Variants in CAMTA1 observed in about 807,000 individuals in gnomAD.
The protein encoded by CAMTA1 is calmodulin binding transcription activator 1.
CAMTA1 carries 27 observed loss-of-function variants against 170.9 expected under a neutral mutation model. The observed-to-expected ratio is 0.16, with a 90% CI of 0.12 to 0.22. The LOEUF (loss-of-function observed/expected upper bound fraction) is 0.22. CAMTA1 is among the 10% of genes least tolerant of loss of function. The pLI is 1.00. For missense variants in CAMTA1, 1,619 were observed against 2,217.2 expected (o/e 0.73, Z 5.42); for synonymous variants, 833 against 891.5 (o/e 0.93, Z 1.17).
chr1:7,661,283 C>T (rs574841921), intron 7 of CAMTA1, among the ~76,000 whole-genome samples: 5 of 152,284 alleles, frequency 3.3e-5, no homozygotes, highest in African/African-American at 4.8e-5. Context: ...TTGGTCCTCC[C>T]GGCTCGGTGC....
chr1:7,358,545 G>A (rs542898117), intron 5 of CAMTA1, among the ~76,000 whole-genome samples: 2 of 152,156 alleles, frequency 1.3e-5, no homozygotes, highest in East Asian at 3.9e-4. Flanking sequence ...TGCATGCCCC[G>A]CGCCACCCCT....
chr1:6,845,418 T>G (rs1657686151), intron 3 of CAMTA1, among the ~76,000 whole-genome samples: 1 of 152,212 alleles, frequency 6.6e-6, no homozygotes, highest in African/African-American at 2.4e-5. Context: ...CTTGTCCAGA[T>G]TCAGGGAAGG....
chr1:7,217,895 G>T (rs1037090886), intron 4 of CAMTA1, among the ~76,000 whole-genome samples: 1 of 151,848 alleles, frequency 6.6e-6, no homozygotes, highest in Non-Finnish European at 1.5e-5. Context: ...ACTTAATTTA[G>T]GTCCATAATT....
In CAMTA1 at chr1:7,146,218, A is replaced by G. The variant is rs1218821705; in HGVS notation, c.302+54847A>G. On this transcript the variant is annotated intron_variant, in intron 4 of 22. Transcript: ENST00000303635. This position sits in a 1 kb window ranked among gnomAD's most constrained non-coding sequence, Gnocchi z 4.3. ...CCGTGGGCCTGCAATCCTGCTTGCA[A>G]CACCCCTCGCAGCAGGAGCTTGGCA... Among the ~76,000 whole-genome samples the G allele has an allele frequency of 6.6e-6, 1 of 151,814 alleles. No individual in the cohort carries two copies. The highest frequency in any genetic ancestry group is 6.6e-5 in the Admixed American group (1 of 15,254).
intron 5 of CAMTA1, among the ~76,000 whole-genome samples, chr1:7,421,703 A>G (rs1215923957): frequency 6.6e-6 from 1 of 152,162 alleles, no homozygotes; most frequent in Non-Finnish European, 1.5e-5. Flanking sequence ...GCCAGCACTC[A>G]CTGTTGCCAC....
chr1:7,740,456 C>G (rs962277351), intron 16 of CAMTA1, among the ~76,000 whole-genome samples: 3 of 152,110 alleles, frequency 2.0e-5, no homozygotes, highest in Non-Finnish European at 4.4e-5. Context: ...ACTGAGCAAT[C>G]TAGAACTATA....
intron 3 of CAMTA1, among the ~76,000 whole-genome samples, chr1:7,042,806 C>G (rs934894884): frequency 6.6e-6 from 1 of 152,244 alleles, no homozygotes; most frequent in East Asian, 1.9e-4. Flanking sequence ...TTCTCAGAAC[C>G]TCTTAAAGGA....
chr1:7,498,459 GAC>G (rs1178989364), intron 6 of CAMTA1, among the ~76,000 whole-genome samples: 3 of 151,422 alleles, frequency 2.0e-5, no homozygotes. Context: ...GAATGTGCAT[GAC>G]AGTGTGTGTG....
intron 3 of CAMTA1, among the ~76,000 whole-genome samples, chr1:7,084,080 T>C (rs1383354692): frequency 1.3e-5 from 2 of 152,142 alleles, no homozygotes; most frequent in East Asian, 3.9e-4. Context: ...AAAATCCATG[T>C]TTCTATGTGC....
At chr1:7,669,418 G>A (rs1036856759) in intron 9 of CAMTA1, among the ~76,000 whole-genome samples, 1 of 152,264 alleles carries the variant, frequency 6.6e-6, no homozygotes, top group Non-Finnish European at 1.5e-5. Flanking sequence ...CCTAGGGCAG[G>A]CTCCTTGTAG....
intron 1 of CAMTA1, among the ~76,000 whole-genome samples, chr1:6,798,927 C>T (rs1282915234): frequency 6.6e-6 from 1 of 152,112 alleles, no homozygotes; most frequent in Non-Finnish European, 1.5e-5. Context: ...TTATCTAACC[C>T]TGAACCAATC....
chr1:6,994,362 G>A (rs1238156993), intron 3 of CAMTA1, among the ~76,000 whole-genome samples: 1 of 152,082 alleles, frequency 6.6e-6, no homozygotes, highest in African/African-American at 2.4e-5. Context: ...AGATTTGCTG[G>A]TGGTGAATTT....
At chr1:7,097,360 G>A (rs1348323527) in intron 4 of CAMTA1, among the ~76,000 whole-genome samples, 2 of 152,230 alleles carry the variant, frequency 1.3e-5, no homozygotes, top group African/African-American at 4.8e-5. Flanking sequence ...CAGGAGGCAG[G>A]AGTGCCAGTG....
intron 5 of CAMTA1, among the ~76,000 whole-genome samples, chr1:7,408,182 CA>C (rs2090437623): frequency 8.0e-6 from 1 of 125,204 alleles, no homozygotes; most frequent in African/African-American, 3.1e-5. Flanking sequence ...GCAAGTGGCT[CA>C]GGGGGAAATC....
intron 6 of CAMTA1, among the ~76,000 whole-genome samples, chr1:7,568,846 TCAC>T (rs1327585557): frequency 6.2e-5 from 9 of 144,058 alleles, no homozygotes; most frequent in Non-Finnish European, 1.4e-4. Flanking sequence ...ATCATCATCA[TCAC>T]CACATCATCA....
At chr1:7,374,851 G>C (rs973117724) in intron 5 of CAMTA1, among the ~76,000 whole-genome samples, 6 of 152,336 alleles carry the variant, frequency 3.9e-5, no homozygotes, top group East Asian at 1.9e-4. Context: ...GAGACACGTG[G>C]CTTCTGGTCG....
chr1:6,790,071 C>G (rs1640620326), intron 1 of CAMTA1, among the ~76,000 whole-genome samples: 2 of 151,996 alleles, frequency 1.3e-5, no homozygotes, highest in Admixed American at 6.6e-5. Flanking sequence ...ACCTCAGCCT[C>G]CCTTGCCTCA....
intron 5 of CAMTA1, among the ~76,000 whole-genome samples, chr1:7,323,156 T>C (rs1251614649): frequency 6.6e-6 from 1 of 152,158 alleles, no homozygotes; most frequent in Non-Finnish European, 1.5e-5. Flanking sequence ...ATAACTTTTT[T>C]CCTCAAAGTA....
At chr1:6,868,319 A>AAAACAAAAC (rs909516037) in intron 3 of CAMTA1, among the ~76,000 whole-genome samples, 6 of 140,510 alleles carry the variant, frequency 4.3e-5, no homozygotes, top group African/African-American at 1.6e-4. Context: ...TTTTTTTTTT[A>AAAACAAAAC]AAAACAAAAC....
Sources: allele counts gnomAD v4.1 joint callset (sites outside exome capture counted in the v4.1 genomes callset), GRCh38; gene constraint gnomAD v4.1.1; non-coding constraint Gnocchi (gnomAD v3.1); transcripts MANE v1.5; gene names NCBI Gene and HGNC (gene_info 2026-07-23, HGNC 2026-07-21).